Variants in CA12 observed in about 807,000 individuals in gnomAD.
CA12 encodes carbonate dehydratase XII.
In CA12, 36 loss-of-function variants were observed where a neutral mutation model predicts 46.8. The ratio of observed to expected loss-of-function variants is 0.77; its 90% CI spans 0.59 to 1.02. CA12 has a LOEUF of 1.02. CA12 is among the 50% of genes least tolerant of loss of function. The probability of loss-of-function intolerance (pLI) is 0.00; values close to 1 mark genes in which losing one functional copy is unlikely to be tolerated. For missense variants in CA12, 436 were observed against 451.4 expected (o/e 0.97, Z 0.31); for synonymous variants, 202 against 187.0 (o/e 1.08, Z -0.65).
chr15:63,381,620 C>G lies in CA12; in HGVS notation c.85+16G>C, dbSNP rs371177561. ...GCGCTCAGGAGTGTTAGGAAAGAAGCAGGCGGAAACTTTACCGTTCACTGG... is the reference window on the plus strand; with the variant it reads ...GCGCTCAGGAGTGTTAGGAAAGAAGGAGGCGGAAACTTTACCGTTCACTGG... On this transcript the variant is annotated intron_variant, in intron 1 of 10. Coordinates refer to ENST00000178638, the MANE Select transcript of CA12 (RefSeq NM_001218.5). The G allele has an allele frequency of 6.2e-7, 1 of 1,605,798 alleles. No individual in the cohort carries two copies. Among genetic ancestry groups the G allele is most frequent in the Non-Finnish European group, 8.5e-7 (1 of 1,175,700 alleles).
intron 8 of CA12, among the ~76,000 whole-genome samples, chr15:63,338,254 G>T (rs2039029186): frequency 6.6e-6 from 1 of 152,226 alleles, no homozygotes; most frequent in Non-Finnish European, 1.5e-5. Context: ...CTCCAAGGAG[G>T]TTAGACAAAA....
At chr15:63,357,644 G>T (rs1046583763) in intron 2 of CA12, among the ~76,000 whole-genome samples, 2 of 124,220 alleles carry the variant, frequency 1.6e-5, no homozygotes, top group African/African-American at 5.6e-5. Context: ...GGGTGAAGTT[G>T]CTTTCTTTCT....
Position 63,326,047 on chromosome 15 carries a change from A to T in CA12, c.*238T>A. ...TTCACAATCTCACACAGTTACAGCAAGCAGCTTTGAATTCCTGCTGCTTGG... is the reference window on the plus strand; with the variant it reads ...TTCACAATCTCACACAGTTACAGCATGCAGCTTTGAATTCCTGCTGCTTGG... On this transcript the variant is annotated 3_prime_UTR_variant, in exon 11 of 11. Coordinates refer to ENST00000178638, the MANE Select transcript of CA12 (RefSeq NM_001218.5). 1.8e-6 allele frequency: 1 copy of T among 548,558 alleles called. No homozygotes were observed. The highest frequency in any genetic ancestry group is 3.3e-6 in the Non-Finnish European group (1 of 302,302). The allele number at this position is 548,558 out of a possible 1,614,324, so 34.0% of individuals were successfully genotyped here.
rs75399733 is a variant in CA12 at position 63,350,594 on chromosome 15, C to T, written c.107-3885G>A. Among the ~76,000 whole-genome samples, 52 of 152,236 alleles carry T rather than the reference C, an allele frequency of 3.4e-4. 2 individuals are homozygous for T. The East Asian group carries it at 9.1e-3, about 27-fold the overall frequency. ...ATTTCTTTCCTGTCTATGTGTTTTT[C>T]CTGCTCTAGGCAAAACAGAAGTGGT... On this transcript the variant is annotated intron_variant, in intron 2 of 10. Transcript: ENST00000178638.
rs1047009630 is a variant in CA12 at position 63,327,146 on chromosome 15, C to T, written c.992+3G>A. 4 of 1,613,546 alleles carry T rather than the reference C, an allele frequency of 2.5e-6. No homozygotes were observed. Among genetic ancestry groups the T allele is most frequent in the Non-Finnish European group, 8.5e-7 (1 of 1,179,638 alleles). On this transcript the variant is annotated splice_donor_region_variant and intron_variant, in intron 10 of 10. Coordinates refer to ENST00000178638, the MANE Select transcript of CA12 (RefSeq NM_001218.5). The surrounding 1 kb of genome is among the most constrained non-coding windows in gnomAD (Gnocchi z 4.5). The stretch of plus-strand genomic sequence containing the variant: ...TTCCCATTTTGGACCCAAACCAGCT[C>T]ACCTCTTCCTTCTGAAAAGCCAAAT...
At chr15:63,376,604 C>CTTTCTTTCTTTCTTTCTT (rs1325632435) in intron 1 of CA12, among the ~76,000 whole-genome samples, 648 of 12,998 alleles carry the variant, frequency 0.05, 2 homozygotes, top group African/African-American at 0.075. Flanking sequence ...CTTTCTTTCT[C>CTTTCTTTCTTTCTTTCTT]TCTCTCTCGC....
intron 2 of CA12, among the ~76,000 whole-genome samples, chr15:63,363,821 C>A (rs1443763526): frequency 6.6e-6 from 1 of 152,154 alleles, no homozygotes; most frequent in African/African-American, 2.4e-5. Context: ...GCAGTCTGAC[C>A]AAGGGATGGG....
chr15:63,364,190 G>A (rs1013540494), intron 2 of CA12, among the ~76,000 whole-genome samples: 4 of 150,950 alleles, frequency 2.6e-5, no homozygotes, highest in Non-Finnish European at 5.9e-5. Context: ...AAAAAAAGTG[G>A]GGGGGCGGTG....
chr15:63,364,748 T>C (rs1245266671), intron 2 of CA12, among the ~76,000 whole-genome samples: 1 of 152,242 alleles, frequency 6.6e-6, no homozygotes, highest in Non-Finnish European at 1.5e-5. Context: ...CTGTCCTCTG[T>C]GTTCCCTCTT....
chr15:63,346,400 C>CG, intron 3 of CA12, 130 bp downstream of exon 3: 1 of 687,748 alleles, frequency 1.5e-6, no homozygotes, highest in Non-Finnish European at 2.6e-6. Flanking sequence ...CTCAAAGACA[C>CG]CCCCGCCCCG....
chr15:63,350,350 A>AGT (rs2039212858), intron 2 of CA12, among the ~76,000 whole-genome samples: 1 of 152,206 alleles, frequency 6.6e-6, no homozygotes, highest in Non-Finnish European at 1.5e-5. Flanking sequence ...TTTCCAACTC[A>AGT]GTGTCAGCTT....
Position 63,345,383 on chromosome 15 carries a change from C to T in CA12, c.429+94G>A. On this transcript the variant is annotated intron_variant, in intron 4 of 10. Coordinates refer to ENST00000178638, the MANE Select transcript of CA12 (RefSeq NM_001218.5). This position sits in a 1 kb window ranked among gnomAD's most constrained non-coding sequence, Gnocchi z 4.3. ...CAGAGAGCCTGAAGGCAGCCTGTCCCATGCTCTGGTGTTATCTGCACAGCA... is the reference window on the plus strand; with the variant it reads ...CAGAGAGCCTGAAGGCAGCCTGTCCTATGCTCTGGTGTTATCTGCACAGCA... 1 of 1,524,546 alleles carries T rather than the reference C, an allele frequency of 6.6e-7. No homozygotes were observed. Among genetic ancestry groups the T allele is most frequent in the Non-Finnish European group, 8.9e-7 (1 of 1,121,022 alleles). 94.4% of individuals were successfully genotyped at this position (1,524,546 alleles called of 1,614,324 possible).
intron 1 of CA12, 75 bp downstream of exon 1, chr15:63,381,561 A>T: frequency 8.4e-7 from 1 of 1,193,226 alleles, no homozygotes; most frequent in South Asian, 1.3e-5. Context: ...ATTTTACTTT[A>T]TCATTGAAGA....
rs1010298688 is a variant in CA12, at chr15:63,341,412, G to C, written c.525+590C>G. Among the ~76,000 whole-genome samples, 2 of 152,184 alleles carry C rather than the reference G, an allele frequency of 1.3e-5. No homozygotes were observed. The highest frequency in any genetic ancestry group is 2.9e-5 in the Non-Finnish European group (2 of 68,032). On this transcript the variant is annotated intron_variant, in intron 5 of 10. Transcript: ENST00000178638. This position sits in a 1 kb window ranked among gnomAD's most constrained non-coding sequence, Gnocchi z 5.2. ...CAGCAGAGGCCTCCCATTCTCATAG[G>C]AGCACAAGCCCTATTGTGAACTGCG...
chr15:63,359,217 A>G (rs918515252), intron 2 of CA12, among the ~76,000 whole-genome samples: 5 of 152,098 alleles, frequency 3.3e-5, no homozygotes, highest in Admixed American at 3.3e-4. Flanking sequence ...GGATCCTAAA[A>G]CCAGATGTGG....
At position 63,323,378 on chromosome 15, in the gene CA12, C is replaced by T. The variant is rs534860198; in HGVS notation, c.*2907G>A. The T allele has an allele frequency of 5.3e-5, 8 of 152,336 alleles. No homozygotes were observed. The South Asian group carries it at 1.7e-3, about 32-fold the overall frequency. 9.4% of individuals were successfully genotyped at this position (152,336 alleles called of 1,614,324 possible). A position where few individuals can be genotyped will look rare whatever the true frequency, so the allele number is the denominator to read the frequency against. ...TCCTCAGGAAAGTGATTGAGTCTAT[C>T]AGCTTATTTTCCTTTGGAGCCAGGT... On this transcript the variant is annotated 3_prime_UTR_variant, in exon 11 of 11. Coordinates refer to ENST00000178638, the MANE Select transcript of CA12 (RefSeq NM_001218.5). This position sits in a 1 kb window ranked among gnomAD's most constrained non-coding sequence, Gnocchi z 5.1.
rs923862545 is a variant in CA12, at chr15:63,325,767, G to A, written c.*518C>T. 1 of 193,934 alleles carries A rather than the reference G, an allele frequency of 5.2e-6. No homozygotes were observed. The highest frequency in any genetic ancestry group is 2.3e-5 in the African/African-American group (1 of 43,196). 12.0% of individuals were successfully genotyped at this position (193,934 alleles called of 1,614,324 possible). Reference sequence around the variant, plus strand: ...TCCTGTCCCCATTTGTCCCCGAGTTGTAAGGTGCAGATTAAAGGTTTTGTC... The same window carrying A: ...TCCTGTCCCCATTTGTCCCCGAGTTATAAGGTGCAGATTAAAGGTTTTGTC... On this transcript the variant is annotated 3_prime_UTR_variant, in exon 11 of 11. Transcript: ENST00000178638. This position sits in a 1 kb window ranked among gnomAD's most constrained non-coding sequence, Gnocchi z 4.9.
At chr15:63,354,571 A>C (rs2039272206) in intron 2 of CA12, among the ~76,000 whole-genome samples, 1 of 152,134 alleles carries the variant, frequency 6.6e-6, no homozygotes, top group Non-Finnish European at 1.5e-5. Flanking sequence ...ACAACAAAAA[A>C]AGTGGCTTCT....
intron 2 of CA12, among the ~76,000 whole-genome samples, chr15:63,349,138 C>T (rs756198822): frequency 9.9e-5 from 15 of 151,660 alleles, no homozygotes; most frequent in Non-Finnish European, 2.1e-4. Flanking sequence ...CATTGCCCTT[C>T]GTGCAAATGG....
Sources: allele counts gnomAD v4.1 joint callset (sites outside exome capture counted in the v4.1 genomes callset), GRCh38; gene constraint gnomAD v4.1.1; non-coding constraint Gnocchi (gnomAD v3.1); transcripts MANE v1.5; gene names NCBI Gene and HGNC (gene_info 2026-07-23, HGNC 2026-07-21).